NAAA: variants seen among roughly 807,000 people sequenced by gnomAD.
The protein encoded by NAAA is N-acylethanolamine acid amidase.
A neutral mutation model predicts 44.8 loss-of-function variants in NAAA; 39 were observed. That is an observed-to-expected ratio of 0.87 (90% CI 0.67 to 1.14). NAAA has a LOEUF of 1.14. NAAA is among the 50% of genes most tolerant of loss of function. The pLI is 0.00. For synonymous variants in NAAA, 178 were observed against 191.3 expected (o/e 0.93, Z 0.58); for missense variants, 460 against 467.8 (o/e 0.98, Z 0.15).
At chr4:75,917,987 A>G (rs775004259) in intron 9 of NAAA, among the ~76,000 whole-genome samples, 26 of 152,156 alleles carry the variant, frequency 1.7e-4, no homozygotes, top group Non-Finnish European at 3.4e-4. Flanking sequence ...GGTATTCAGA[A>G]TTTATTTCTA....
intron 3 of NAAA, among the ~76,000 whole-genome samples, chr4:75,931,527 G>GA (rs202044458): frequency 6.7e-6 from 1 of 149,786 alleles, no homozygotes; most frequent in Non-Finnish European, 1.5e-5. Context: ...CCTTGGATGG[G>GA]AAAAAAAAAG....
downstream of NAAA, chr4:75,911,292 C>G (rs112222416): frequency 0.058 from 29,909 of 514,480 alleles, 1,810 homozygotes; most frequent in African/African-American, 0.23. Flanking sequence ...GGTCACAGGG[C>G]ATATGATGGC....
At position 75,940,074 on chromosome 4, in the gene NAAA, G is replaced by A. The variant is rs751516956; in HGVS notation, c.298C>T (p.Arg100Cys). 1 of 1,614,150 alleles carries A rather than the reference G, an allele frequency of 6.2e-7. No individual in the cohort carries two copies. The highest frequency in any genetic ancestry group is 1.7e-5 in the Admixed American group (1 of 60,034). The change falls in exon 2 of 11, where the codon CGC becomes TGC. Residue 100 changes from arginine to cysteine, a missense_variant. Physicochemically the swap from Arg to Cys is radical, Grantham distance 180 (BLOSUM62 -3). Coordinates refer to ENST00000286733, the MANE Select transcript of NAAA (RefSeq NM_014435.4). ...AGGTTCATGAAGTCACACATGCCGCGGATCTCGCCGGTGAAGGGCTGGGGC... is the reference window on the plus strand; with the variant it reads ...AGGTTCATGAAGTCACACATGCCGCAGATCTCGCCGGTGAAGGGCTGGGGC... ...FLPQPFTGEI[R>C]GMCDFMNLSL...
Position 75,924,324 on chromosome 4 carries a change from G to A in NAAA, c.666+1411C>T, listed in dbSNP as rs554620048. 5.3e-5 allele frequency among the ~76,000 whole-genome samples: 8 copies of A among 152,314 alleles called. No individual in the cohort carries two copies. In the South Asian group the frequency reaches 6.2e-4, roughly 12 times the overall value. On this transcript the variant is annotated intron_variant, in intron 5 of 10. Coordinates refer to ENST00000286733, the MANE Select transcript of NAAA (RefSeq NM_014435.4). ...TGGCAAATTATTAAGTACGATAAGCGTTCCTTGAACACAAGCACTGAGATG... is the reference window on the plus strand; with the variant it reads ...TGGCAAATTATTAAGTACGATAAGCATTCCTTGAACACAAGCACTGAGATG...
At chr4:75,915,726 C>T (rs1161052806) in intron 9 of NAAA, among the ~76,000 whole-genome samples, 1 of 152,112 alleles carries the variant, frequency 6.6e-6, no homozygotes, top group Non-Finnish European at 1.5e-5. Context: ...AGAGGAATTC[C>T]AGAGGAGGGC....
At chr4:75,924,074 AT>A (rs985316126) in intron 5 of NAAA, among the ~76,000 whole-genome samples, 1 of 152,054 alleles carries the variant, frequency 6.6e-6, no homozygotes, top group African/African-American at 2.4e-5. Flanking sequence ...GCAGCAACTC[AT>A]TTTTTTGGGA....
rs200652244 is a variant in NAAA, at chr4:75,914,883, C to A, written c.*21G>T. 8.1e-6 allele frequency: 13 copies of A among 1,613,288 alleles called. No individual in the cohort carries two copies. In the Admixed American group the frequency reaches 2.0e-4, roughly 25 times the overall value. ...AACAACAAACCTTTCACAGCACGGG[C>A]GAACTCGCTCTTCTGCTGACTTACT... is the stretch of plus-strand genomic sequence containing the variant. On this transcript the variant is annotated 3_prime_UTR_variant, in exon 10 of 11. Transcript: ENST00000286733.
intron 4 of NAAA, among the ~76,000 whole-genome samples, chr4:75,929,754 C>T (rs952731863): frequency 6.6e-6 from 1 of 152,152 alleles, no homozygotes; most frequent in African/African-American, 2.4e-5. Flanking sequence ...TATACTCAAT[C>T]ACCATCTTCC....
At chr4:75,930,977 C>T (rs879749720) in intron 4 of NAAA, among the ~76,000 whole-genome samples, 3 of 152,090 alleles carry the variant, frequency 2.0e-5, no homozygotes, top group Non-Finnish European at 2.9e-5. Flanking sequence ...CTGTACTAAC[C>T]ACCCCACCTC....
rs772144286 is a variant in NAAA, at chr4:75,920,989, G to A, written c.801C>T (p.Gly267=). 3.7e-6 allele frequency: 6 copies of A among 1,612,808 alleles called. No homozygotes were observed. Among genetic ancestry groups the A allele is most frequent in the South Asian group, 2.2e-5 (2 of 90,818 alleles). The change falls in exon 6 of 11, where the codon GGC becomes GGT. Residue 267 remains glycine, a synonymous_variant. Coordinates refer to ENST00000286733, the MANE Select transcript of NAAA (RefSeq NM_014435.4). ...EGVVITRNRD[G]PADIWPLDPL... ...GATCTAGAGGCCAAATGTCTGCTGG[G>A]CCATCTCTGTTCCTCGTGATGACCA...
At position 75,914,945 on chromosome 4, in the gene NAAA, C is replaced by T. The variant is rs755702245; in HGVS notation, c.1039G>A (p.Asp347Asn). The T allele has an allele frequency of 6.2e-7, 1 of 1,614,080 alleles. No individual in the cohort carries two copies. Among genetic ancestry groups the T allele is most frequent in the African/African-American group, 1.3e-5 (1 of 75,052 alleles). Residue 347 changes from aspartate to asparagine, a missense_variant, in exon 10 of 11, where the codon GAC becomes AAC. Transcript: ENST00000286733. ...YTTVMSAGSPDKYMTRIRNPS... is the reference protein window; with the variant it reads ...YTTVMSAGSPNKYMTRIRNPS... ...TTTCTGATCCTAGTCATGTACTTGT[C>T]TGGGCTACCGGCGCTCATTACCGTA...
chr4:75,924,255 T>A (rs1726450048), intron 5 of NAAA, among the ~76,000 whole-genome samples: 1 of 152,212 alleles, frequency 6.6e-6, no homozygotes, highest in Non-Finnish European at 1.5e-5. Flanking sequence ...TACAGCTTCT[T>A]TTTGTCATAC....
chr4:75,924,996 AT>A lies in NAAA; in HGVS notation c.666+738del, dbSNP rs5859484. ...TGTAGGAGGGTAGGAGCATAACTTCATTTTTTTTTTTTGAGACGGAGTTTTG... is the reference window on the plus strand; with the variant it reads ...TGTAGGAGGGTAGGAGCATAACTTCATTTTTTTTTTTGAGACGGAGTTTTG... On this transcript the variant is annotated intron_variant, in intron 5 of 10. Transcript: ENST00000286733. 7.9e-3 allele frequency among the ~76,000 whole-genome samples: 1,158 copies of A among 147,398 alleles called. 11 individuals carry two copies. Among genetic ancestry groups the A allele is most frequent in the African/African-American group, 0.027 (1,096 of 40,272 alleles).
At chr4:75,933,978 C>T (rs1416932620) in intron 3 of NAAA, among the ~76,000 whole-genome samples, 2 of 151,308 alleles carry the variant, frequency 1.3e-5, no homozygotes, top group East Asian at 3.9e-4. Flanking sequence ...TGCAGTGAGC[C>T]GAGATCGCGC....
chr4:75,921,244 C>T, intron 5 of NAAA, 121 bp from the exon 6 acceptor site: 1 of 893,426 alleles, frequency 1.1e-6, no homozygotes, highest in South Asian at 2.1e-5. Flanking sequence ...TCACCTTGAT[C>T]TGCTCTGACC....
At chr4:75,910,885 G>A (rs1428703601), downstream of NAAA, among the ~76,000 whole-genome samples, 1 of 152,192 alleles carries the variant, frequency 6.6e-6, no homozygotes, top group Admixed American at 6.5e-5. Context: ...CTGGGTGCAC[G>A]TGGGCTGAGT....
intron 8 of NAAA, 71 bp from the exon 9 acceptor site, chr4:75,918,860 G>C: frequency 6.9e-7 from 1 of 1,443,610 alleles, no homozygotes; most frequent in Non-Finnish European, 9.7e-7. Flanking sequence ...TATCTATGGA[G>C]GGCCGGGTGC....
intron 10 of NAAA, among the ~76,000 whole-genome samples, 170 bp downstream of exon 10, chr4:75,914,694 TACAA>T (rs1725492843): frequency 6.6e-6 from 1 of 152,154 alleles, no homozygotes; most frequent in African/African-American, 2.4e-5. Flanking sequence ...TTGGTTTTCA[TACAA>T]ACAATTCCAA....
At chr4:75,937,778 G>A (rs181034340) in intron 2 of NAAA, among the ~76,000 whole-genome samples, 12 of 152,330 alleles carry the variant, frequency 7.9e-5, no homozygotes, top group African/African-American at 2.9e-4. Context: ...GTGAGCCACT[G>A]TGGCCGGCCA....
Sources: gnomAD v4.1 joint callset for allele counts (sites outside exome capture counted in the v4.1 genomes callset) on GRCh38, gnomAD v4.1.1 for gene constraint, MANE v1.5 for transcripts, NCBI Gene and HGNC (gene_info 2026-07-23, HGNC 2026-07-21) for gene names.